Variants in NFAT5 observed in about 807,000 individuals in gnomAD.
NFAT5 encodes the protein nuclear factor of activated T cells 5, also known as nuclear factor of activated T-cells 5.
A neutral mutation model predicts 166.5 loss-of-function variants in NFAT5; 31 were observed. That is an observed-to-expected ratio of 0.19 (90% confidence interval 0.14 to 0.25). The LOEUF (loss-of-function observed/expected upper bound fraction) is 0.25, where lower values mean the gene tolerates loss of function less well. Among genes scored for constraint, NFAT5 ranks in the 10% least tolerant of loss-of-function variants. The probability of loss-of-function intolerance (pLI) is 1.00; values close to 1 mark genes in which losing one functional copy is unlikely to be tolerated. For synonymous variants in NFAT5, 612 were observed against 639.7 expected, an observed-to-expected ratio of 0.96 and a Z score of 0.65; for missense variants, 1,449 against 1,821.8, an observed-to-expected ratio of 0.80 and a Z score of 3.72.
chr16:69,702,362 T>G lies in NFAT5; in HGVS notation c.*6011T>G, dbSNP rs1368025229. 1.3e-5 allele frequency: 2 copies of G among 152,522 alleles called. No individual in the cohort carries two copies. The highest frequency in any genetic ancestry group is 6.5e-5 in the Admixed American group (1 of 15,284). 9.4% of individuals were successfully genotyped at this position (152,522 alleles called of 1,614,324 possible). ...GTAATTTACTTATAAGGGGAAATAA[T>G]TATGCTTTAGCACATCATTTTAGAA... On this transcript the variant is annotated 3_prime_UTR_variant, in exon 15 of 15. Coordinates refer to ENST00000349945, the MANE Select transcript of NFAT5 (RefSeq NM_138713.4).
At chr16:69,669,867 A>T (rs985963625) in intron 7 of NFAT5, 110 bp from the exon 8 acceptor site, 19 of 879,044 alleles carry the variant, frequency 2.2e-5, no homozygotes, top group Non-Finnish European at 3.2e-5. Flanking sequence ...AATATTTATT[A>T]CTCCTCCTTC....
At chr16:69,691,728 T>G in intron 12 of NFAT5, 21 bp from the exon 13 acceptor site, 1 of 1,566,912 alleles carries the variant, frequency 6.4e-7, no homozygotes, top group Non-Finnish European at 8.7e-7. Flanking sequence ...TTCATAATAT[T>G]TGGGGATTTT....
At chr16:69,652,616 T>C (rs768196723) in intron 4 of NFAT5, among the ~76,000 whole-genome samples, 8 of 152,280 alleles carry the variant, frequency 5.3e-5, no homozygotes, top group Non-Finnish European at 1.0e-4. Flanking sequence ...CCAATAAAAA[T>C]TGAATCGCTA....
Position 69,566,382 on chromosome 16 carries a change from A to C in NFAT5, c.73+8A>C. The C allele has an allele frequency of 1.0e-6, 1 of 1,000,256 alleles. No homozygotes were observed. The highest frequency in any genetic ancestry group is 1.5e-6 in the Non-Finnish European group (1 of 666,184). The allele number at this position is 1,000,256 out of a possible 1,614,324, so 62.0% of individuals were successfully genotyped here. A position where few individuals can be genotyped will look rare whatever the true frequency, so the allele number is the denominator to read the frequency against. On this transcript the variant is annotated splice_region_variant and intron_variant, in intron 1 of 14. Coordinates refer to ENST00000349945, the MANE Select transcript of NFAT5 (RefSeq NM_138713.4). The surrounding 1 kb of genome is among the most constrained non-coding windows in gnomAD (Gnocchi z 5.7). ...AGTCCCTCTACTCGCGAGGTGAGTC[A>C]GGCTGTGGGGGGTGGGGCGTGGGGG...
chr16:69,623,386 G>A (rs2151575347), intron 2 of NFAT5, among the ~76,000 whole-genome samples: 1 of 151,008 alleles, frequency 6.6e-6, no homozygotes, highest in East Asian at 1.9e-4. Flanking sequence ...GAAGTGCAGT[G>A]GCACGATCTC....
chr16:69,698,725 T>A lies in NFAT5; in HGVS notation c.*2374T>A, dbSNP rs1290253815. ...TTTCACAAGAATGAGCCATTCAGTC[T>A]TTGCTCACTATATATTTAATATTTT... On this transcript the variant is annotated 3_prime_UTR_variant, in exon 15 of 15. Transcript: ENST00000349945. The A allele has an allele frequency of 6.6e-6, 1 of 152,642 alleles. No individual in the cohort carries two copies. The highest frequency in any genetic ancestry group is 1.5e-5 in the Non-Finnish European group (1 of 68,044). The allele number at this position is 152,642 out of a possible 1,614,324, so 9.5% of individuals were successfully genotyped here.
chr16:69,616,672 T>C (rs996998877), intron 2 of NFAT5, among the ~76,000 whole-genome samples: 1 of 152,098 alleles, frequency 6.6e-6, no homozygotes, highest in Admixed American at 6.5e-5. Flanking sequence ...CAGATATTCA[T>C]ATATTCTTCA....
intron 3 of NFAT5, among the ~76,000 whole-genome samples, chr16:69,640,326 G>C (rs2035149405): frequency 6.6e-6 from 1 of 151,966 alleles, no homozygotes; most frequent in Non-Finnish European, 1.5e-5. Context: ...CTTTTTGTTT[G>C]TTTGTTTCTA....
intron 11 of NFAT5, among the ~76,000 whole-genome samples, chr16:69,688,832 A>G (rs2037434473): frequency 6.6e-6 from 1 of 151,876 alleles, no homozygotes; most frequent in Admixed American, 6.5e-5. Context: ...CTCATGATCT[A>G]ATGGAATTCA....
At chr16:69,685,545 T>A (rs1054700421) in intron 11 of NFAT5, 3 of 149,322 alleles carry the variant, frequency 2.0e-5, no homozygotes, top group African/African-American at 7.5e-5. Flanking sequence ...AGACCCTGTC[T>A]TAAAAAAAAA....
At chr16:69,606,561 A>T (rs1255162166) in intron 2 of NFAT5, among the ~76,000 whole-genome samples, 2 of 152,188 alleles carry the variant, frequency 1.3e-5, no homozygotes, top group African/African-American at 4.8e-5. Flanking sequence ...GACCTGTAGA[A>T]AGGAAAACTG....
intron 9 of NFAT5, chr16:69,676,789 G>A (rs141738607): frequency 6.0e-4 from 93 of 154,602 alleles, no homozygotes; most frequent in Non-Finnish European, 1.0e-3. Context: ...GGTGACATTT[G>A]TATCTGACCT....
At chr16:69,572,026 T>C (rs1033704663) in intron 2 of NFAT5, among the ~76,000 whole-genome samples, 11 of 152,096 alleles carry the variant, frequency 7.2e-5, no homozygotes, top group Non-Finnish European at 1.0e-4. Context: ...CCTCCCAAAG[T>C]GCTGGGATTA....
intron 2 of NFAT5, among the ~76,000 whole-genome samples, chr16:69,612,870 A>C (rs1597398806): frequency 6.6e-6 from 1 of 152,036 alleles, no homozygotes; most frequent in Non-Finnish European, 1.5e-5. Flanking sequence ...CTCAAAAAAA[A>C]AAAAGGCAAA....
intron 7 of NFAT5, among the ~76,000 whole-genome samples, chr16:69,663,910 C>T (rs959474740): frequency 6.6e-6 from 1 of 152,030 alleles, no homozygotes; most frequent in African/African-American, 2.4e-5. Flanking sequence ...AAAAAATTTT[C>T]ATATCTACCC....
At chr16:69,682,067 G>A (rs2037084721) in intron 10 of NFAT5, among the ~76,000 whole-genome samples, 2 of 152,124 alleles carry the variant, frequency 1.3e-5, no homozygotes, top group South Asian at 2.1e-4. Flanking sequence ...ATCCCATGGG[G>A]CCATACTGCC....
intron 2 of NFAT5, among the ~76,000 whole-genome samples, chr16:69,592,766 A>G (rs933520609): frequency 6.6e-6 from 1 of 152,218 alleles, no homozygotes; most frequent in African/African-American, 2.4e-5. Context: ...GTACTTGTTT[A>G]GTGTAGAACT....
chr16:69,693,566 A>G lies in NFAT5; in HGVS notation c.3741A>G (p.Gly1247=). The G allele has an allele frequency of 1.2e-6, 2 of 1,614,192 alleles. No individual in the cohort carries two copies. The highest frequency in any genetic ancestry group is 1.7e-6 in the Non-Finnish European group (2 of 1,180,032). The part of the protein sequence containing the change: ...PPNPMPQSQQ[G]TMFQSQHSIV... The stretch of plus-strand genomic sequence containing the variant: ...ATCCAATGCCTCAAAGCCAACAAGG[A>G]ACCATGTTCCAGTCACAGCACTCAA... Residue 1247 remains glycine (G), a synonymous_variant, in exon 13 of 15, where the codon GGA becomes GGG. Coordinates refer to ENST00000349945, the MANE Select transcript of NFAT5 (RefSeq NM_138713.4).
intron 4 of NFAT5, chr16:69,648,891 G>A (rs566252849): frequency 1.1e-6 from 1 of 943,238 alleles, no homozygotes; most frequent in East Asian, 1.2e-4. Flanking sequence ...TTGCCCTTAA[G>A]CACTCCCTCA....
Sources: allele counts gnomAD v4.1 joint callset (sites outside exome capture counted in the v4.1 genomes callset), GRCh38; gene constraint gnomAD v4.1.1; non-coding constraint Gnocchi (gnomAD v3.1); transcripts MANE v1.5; gene names NCBI Gene and HGNC (gene_info 2026-07-23, HGNC 2026-07-21).